CELF2: variants seen among roughly 807,000 people sequenced by gnomAD.
The protein encoded by CELF2 is CUG triplet repeat RNA-binding protein 2.
A neutral mutation model predicts 62.6 loss-of-function variants in CELF2; 8 were observed. That is an observed-to-expected ratio of 0.13 (90% CI 0.07 to 0.23). The LOEUF is 0.23. CELF2 is among the 10% of genes least tolerant of loss of function. CELF2 has a pLI of 1.00. For missense variants in CELF2, 333 were observed against 671.0 expected (o/e 0.50, Z 5.56); for synonymous variants, 258 against 250.0 (o/e 1.03, Z -0.30).
the CELF2 span, among the ~76,000 whole-genome samples, chr10:10,661,471 C>T: frequency 6.6e-6 from 1 of 152,304 alleles, no homozygotes; most frequent in Non-Finnish European, 1.5e-5. Flanking sequence ...GTGCTATGAA[C>T]ATTCTTGTCC....
the CELF2 span, among the ~76,000 whole-genome samples, chr10:10,619,912 C>A: frequency 1.3e-5 from 2 of 151,912 alleles, no homozygotes; most frequent in East Asian, 3.9e-4. Context: ...GTTGAAGAGA[C>A]GAACGGAAGG....
rs1453882465 is a variant in CELF2 at position 11,242,347 on chromosome 10, GC to G, written c.355-6801del. 6.6e-6 allele frequency among the ~76,000 whole-genome samples: 1 copy of G among 152,148 alleles called. No homozygotes were observed. Among genetic ancestry groups the G allele is most frequent in the Admixed American group, 6.5e-5 (1 of 15,278 alleles). On this transcript the variant is annotated intron_variant, in intron 3 of 12. Transcript: ENST00000633077. The surrounding 1 kb of genome is among the most constrained non-coding windows in gnomAD (Gnocchi z 4.8). ...CTCCTGTGTGTGAGGAGCCAGCTGTGCCCCCTGCCCGCAGCTGCTTCCTTCC... is the reference window on the plus strand; with the variant it reads ...CTCCTGTGTGTGAGGAGCCAGCTGTGCCCCTGCCCGCAGCTGCTTCCTTCC...
chr10:10,480,780 T>A, the CELF2 span, among the ~76,000 whole-genome samples: 2 of 152,172 alleles, frequency 1.3e-5, no homozygotes, highest in African/African-American at 4.8e-5. Context: ...GCATAGAGAA[T>A]CATCAACATC....
chr10:10,797,822 A>C (rs1469205358), upstream of CELF2, among the ~76,000 whole-genome samples: 3 of 152,200 alleles, frequency 2.0e-5, no homozygotes, highest in Non-Finnish European at 4.4e-5. Context: ...AAATCAGTAC[A>C]GTCCCGAAGA....
chr10:10,925,613 C>T (rs894479396), intron 2 of CELF2, among the ~76,000 whole-genome samples: 19 of 152,066 alleles, frequency 1.2e-4, no homozygotes, highest in African/African-American at 3.4e-4. Context: ...ATTTCAGCAG[C>T]GAGATGGGCT....
intron 1 of CELF2, among the ~76,000 whole-genome samples, chr10:10,882,698 T>G (rs1228801146): frequency 6.6e-6 from 1 of 152,198 alleles, no homozygotes; most frequent in Non-Finnish European, 1.5e-5. Flanking sequence ...CTCATGTGAA[T>G]TTTCTCCGTA....
the CELF2 span, among the ~76,000 whole-genome samples, chr10:10,719,614 C>A: frequency 1.2e-4 from 19 of 152,178 alleles, no homozygotes; most frequent in Admixed American, 2.6e-4. Context: ...GCCAAGCACT[C>A]TCTTCAGTTT....
intron 2 of CELF2, among the ~76,000 whole-genome samples, chr10:11,201,061 C>T (rs2059112429): frequency 6.6e-6 from 1 of 152,210 alleles, no homozygotes; most frequent in Admixed American, 6.5e-5. Context: ...GACTTCTCTA[C>T]AGCAGTTCAC....
At chr10:11,059,225 C>T (rs2140378890) in intron 1 of CELF2, among the ~76,000 whole-genome samples, 1 of 152,344 alleles carries the variant, frequency 6.6e-6, no homozygotes, top group African/African-American at 2.4e-5. Flanking sequence ...CCATTTTAAT[C>T]AGTCAGCTGA....
chr10:10,948,125 A>G (rs2047905310), intron 2 of CELF2: 1 of 152,258 alleles, frequency 6.6e-6, no homozygotes, highest in South Asian at 2.1e-4. Flanking sequence ...GCAAGTTCAC[A>G]TGGATGGAGA....
chr10:11,257,558 G>C (rs1486364609), intron 4 of CELF2, 180 bp from the exon 5 acceptor site: 1 of 587,906 alleles, frequency 1.7e-6, no homozygotes, highest in Admixed American at 3.0e-5. Context: ...CACCAGGTGG[G>C]AGGGAGTGGC....
chr10:11,187,256 T>C (rs751941825), intron 2 of CELF2, among the ~76,000 whole-genome samples: 2 of 152,246 alleles, frequency 1.3e-5, no homozygotes, highest in African/African-American at 2.4e-5. Flanking sequence ...GTTCTCTTTG[T>C]GAATTGACTC....
chr10:10,943,370 G>A (rs2047262231), intron 2 of CELF2, among the ~76,000 whole-genome samples: 1 of 152,168 alleles, frequency 6.6e-6, no homozygotes, highest in African/African-American at 2.4e-5. Context: ...GTTGACCTCT[G>A]GAAGGAAAAA....
the CELF2 span, among the ~76,000 whole-genome samples, chr10:10,737,573 A>G: frequency 2.6e-5 from 4 of 152,088 alleles, no homozygotes; most frequent in Non-Finnish European, 4.4e-5. Flanking sequence ...AGTCATTTGG[A>G]AAGCCTCCAG....
chr10:10,682,642 A>G, the CELF2 span, among the ~76,000 whole-genome samples: 32 of 145,196 alleles, frequency 2.2e-4, no homozygotes, highest in Non-Finnish European at 3.8e-4. Context: ...TTCTCTTTGC[A>G]TTTTTTTTTT....
chr10:11,161,974 T>A (rs1338574559), intron 1 of CELF2, among the ~76,000 whole-genome samples: 1 of 152,094 alleles, frequency 6.6e-6, no homozygotes, highest in African/African-American at 2.4e-5. Context: ...ATTCAGTGAG[T>A]CTCCGCTAAA....
chr10:10,783,216 C>A, the CELF2 span, among the ~76,000 whole-genome samples: 4 of 152,234 alleles, frequency 2.6e-5, no homozygotes, highest in East Asian at 1.9e-4. Flanking sequence ...GTGACTGTGA[C>A]CTTACTTGAA....
chr10:10,538,351 C>G, the CELF2 span, among the ~76,000 whole-genome samples: 1 of 152,164 alleles, frequency 6.6e-6, no homozygotes, highest in Non-Finnish European at 1.5e-5. Flanking sequence ...TGGAGCTCAG[C>G]CTCCTGGTCT....
At chr10:10,764,532 A>C in the CELF2 span, among the ~76,000 whole-genome samples, 2 of 152,228 alleles carry the variant, frequency 1.3e-5, no homozygotes, top group African/African-American at 2.4e-5. Flanking sequence ...GACAGAGCCA[A>C]GTTCTCCAAG....
Sources: gnomAD v4.1 joint callset for allele counts (sites outside exome capture counted in the v4.1 genomes callset) on GRCh38, gnomAD v4.1.1 for gene constraint, Gnocchi (gnomAD v3.1) non-coding constraint, MANE v1.5 for transcripts, NCBI Gene and HGNC (gene_info 2026-07-23, HGNC 2026-07-21) for gene names.